Variants in TCF4 observed in about 807,000 individuals in gnomAD.
The protein encoded by TCF4 is transcription factor 4, also known as SL3-3 enhancer factor 2.
Under a neutral mutation model 82.1 loss-of-function variants are expected in TCF4, and 3 were observed. That is an observed-to-expected ratio of 0.04 (90% CI 0.02 to 0.09). TCF4 has a LOEUF of 0.09. Among genes scored for constraint, TCF4 ranks in the 10% least tolerant of loss-of-function variants. TCF4 has a pLI of 1.00. For missense variants in TCF4, 518 were observed against 852.7 expected, an observed-to-expected ratio of 0.61 and a Z score of 4.89; for synonymous variants, 276 against 309.6, an observed-to-expected ratio of 0.89 and a Z score of 1.14.
chr18:55,456,467 A>G (rs2095756993), intron 5 of TCF4, among the ~76,000 whole-genome samples: 1 of 152,224 alleles, frequency 6.6e-6, no homozygotes, highest in Non-Finnish European at 1.5e-5. Flanking sequence ...AATGTACAAA[A>G]GTATCGCTTT....
At chr18:55,348,749 T>C (rs1485465447) in intron 8 of TCF4, among the ~76,000 whole-genome samples, 1 of 152,194 alleles carries the variant, frequency 6.6e-6, no homozygotes, top group Non-Finnish European at 1.5e-5. Context: ...TTCTGCCTAA[T>C]CTTAGCATTG....
intron 3 of TCF4, among the ~76,000 whole-genome samples, chr18:55,480,296 A>AGAGGG (rs1568175353): frequency 1.6e-5 from 1 of 63,356 alleles, no homozygotes; most frequent in Non-Finnish European, 3.0e-5. Flanking sequence ...AAAAAAAAAA[A>AGAGGG]GCGGGGGGGC....
intron 3 of TCF4, among the ~76,000 whole-genome samples, chr18:55,566,951 C>A (rs960731532): frequency 1.3e-5 from 2 of 151,730 alleles, no homozygotes; most frequent in Non-Finnish European, 2.9e-5. Context: ...CTGCTAAATG[C>A]CAAAAAACAG....
Position 55,304,862 on chromosome 18 carries a change from T to G in TCF4, c.550-25206A>C, listed in dbSNP as rs1330080357. On this transcript the variant is annotated intron_variant, in intron 8 of 19. Transcript: ENST00000354452. ...TTAGCTCTGAAAGCCTGAACCGCCT[T>G]TCAAGCTCCTGGCCTAGTTTTTAAC... is the stretch of plus-strand genomic sequence containing the variant. 1.1e-4 allele frequency among the ~76,000 whole-genome samples: 16 copies of G among 152,282 alleles called. No homozygotes were observed. The East Asian group carries it at 3.1e-3, about 29-fold the overall frequency.
intron 8 of TCF4, among the ~76,000 whole-genome samples, chr18:55,344,271 CAATT>C (rs2080671288): frequency 6.6e-6 from 1 of 152,222 alleles, no homozygotes; most frequent in South Asian, 2.1e-4. Flanking sequence ...CTATTTCAAT[CAATT>C]AAATTTTAAA....
chr18:55,412,583 C>T (rs1460495632), intron 5 of TCF4, among the ~76,000 whole-genome samples: 2 of 152,096 alleles, frequency 1.3e-5, no homozygotes, highest in Non-Finnish European at 2.9e-5. Flanking sequence ...TTAAAAGGGT[C>T]CTTCTACCCC....
intron 5 of TCF4, among the ~76,000 whole-genome samples, chr18:55,418,151 T>A (rs1385121939): frequency 6.6e-6 from 1 of 152,004 alleles, no homozygotes; most frequent in Admixed American, 6.6e-5. Context: ...GAAACATGCA[T>A]GAATTTTTCC....
intron 5 of TCF4, among the ~76,000 whole-genome samples, chr18:55,438,406 A>C (rs1487949263): frequency 1.3e-5 from 2 of 152,060 alleles, no homozygotes; most frequent in African/African-American, 4.8e-5. Context: ...ACCAAGTCTG[A>C]CAGTCCCCAG....
chr18:55,466,393 G>A (rs762668643), intron 3 of TCF4, among the ~76,000 whole-genome samples: 14 of 151,972 alleles, frequency 9.2e-5, no homozygotes, highest in African/African-American at 1.7e-4. Flanking sequence ...CTAATTGGAG[G>A]GGCCGAGGCA....
chr18:55,463,608 G>A lies in TCF4; in HGVS notation c.207+468C>T, dbSNP rs535569956. On this transcript the variant is annotated intron_variant, in intron 4 of 19. Coordinates refer to ENST00000354452, the MANE Select transcript of TCF4 (RefSeq NM_001083962.2). ...AGCGAAATCAACTCAGATTCAGTAC[G>A]TAGATTATACTGGTAGGATAGAACT... Among the ~76,000 whole-genome samples the A allele has an allele frequency of 1.2e-4, 18 of 152,280 alleles. No individual in the cohort carries two copies. The South Asian group carries it at 2.7e-3, about 23-fold the overall frequency.
At chr18:55,368,656 T>C (rs2087975361) in intron 6 of TCF4, among the ~76,000 whole-genome samples, 1 of 152,216 alleles carries the variant, frequency 6.6e-6, no homozygotes, top group African/African-American at 2.4e-5. Flanking sequence ...CAGATGAACA[T>C]GGTGTATGAC....
intron 2 of TCF4, among the ~76,000 whole-genome samples, chr18:55,613,976 T>C (rs995500481): frequency 6.6e-6 from 1 of 152,224 alleles, no homozygotes; most frequent in African/African-American, 2.4e-5. Flanking sequence ...TGGACAGCAG[T>C]GTCATGATCA....
intron 2 of TCF4, among the ~76,000 whole-genome samples, chr18:55,616,099 G>A (rs2097711560): frequency 6.6e-6 from 1 of 152,034 alleles, no homozygotes; most frequent in Admixed American, 6.6e-5. Flanking sequence ...TTGCATAACT[G>A]AATCTTTGCA....
chr18:55,622,031 T>TTATATATACACTATATATAA (rs1327941726), intron 2 of TCF4, among the ~76,000 whole-genome samples: 6 of 134,546 alleles, frequency 4.5e-5, no homozygotes, highest in South Asian at 2.1e-4. Flanking sequence ...ACACTATATA[T>TTATATATACACTATATATAA]TATATATACA....
At chr18:55,551,667 T>A (rs1256670938) in intron 3 of TCF4, 2 of 152,266 alleles carry the variant, frequency 1.3e-5, no homozygotes, top group Admixed American at 1.3e-4. Flanking sequence ...CCGTCTCTCC[T>A]GCACATGGAT....
chr18:55,245,377 T>G (rs1004773342), intron 15 of TCF4, among the ~76,000 whole-genome samples: 1 of 152,250 alleles, frequency 6.6e-6, no homozygotes, highest in African/African-American at 2.4e-5. Context: ...TCTGTTTTGG[T>G]ATGAATGACA....
chr18:55,501,686 A>C (rs1160780200), intron 3 of TCF4, among the ~76,000 whole-genome samples: 1 of 152,066 alleles, frequency 6.6e-6, no homozygotes, highest in Admixed American at 6.5e-5. Flanking sequence ...ACCCCTTGAA[A>C]GGAAGCATCA....
chr18:55,232,662 G>A lies in TCF4; in HGVS notation c.1496C>T (p.Pro499Leu). The change falls in exon 17 of 20, where the codon CCA becomes CTA. Residue 499 changes from proline (P) to leucine (L), a missense_variant. Pro to Leu is a moderately conservative substitution (Grantham distance 98). Around this residue, in one of 7 missense-constraint regions of TCF4, gnomAD observed 144 missense variants for 190.2 expected, o/e 0.76. Transcript: ENST00000354452. Reference sequence around the variant, plus strand: ...GGAGACACTCTGCCCCTGTAGTCCTGGTGGCATGCCTGCCGAAAAAGAGAA... The same window carrying A: ...GGAGACACTCTGCCCCTGTAGTCCTAGTGGCATGCCTGCCGAAAAAGAGAA... ...PPQDPYRGMP[P>L]GLQGQSVSSG... 6.2e-7 allele frequency: 1 copy of A among 1,614,134 alleles called. No individual in the cohort carries two copies. Among genetic ancestry groups the A allele is most frequent in the Non-Finnish European group, 8.5e-7 (1 of 1,180,012 alleles).
chr18:55,287,976 G>A (rs1297900930), intron 8 of TCF4, among the ~76,000 whole-genome samples: 1 of 152,044 alleles, frequency 6.6e-6, no homozygotes, highest in Non-Finnish European at 1.5e-5. Flanking sequence ...TAAAACAAAG[G>A]AACTTAAGAC....
Sources: gnomAD v4.1 joint callset for allele counts (sites outside exome capture counted in the v4.1 genomes callset) on GRCh38, gnomAD v4.1.1 for gene constraint, gnomAD v4.1.1 regional missense constraint, MANE v1.5 for transcripts, NCBI Gene and HGNC (gene_info 2026-07-23, HGNC 2026-07-21) for gene names.